SLAIN2: variants seen among roughly 807,000 people sequenced by gnomAD.
SLAIN2 encodes the protein SLAIN family member 2, also known as SLAIN motif-containing protein 2.
A neutral mutation model predicts 56.6 loss-of-function variants in SLAIN2; 31 were observed. That is an observed-to-expected ratio of 0.55 (90% CI 0.41 to 0.74). The LOEUF (loss-of-function observed/expected upper bound fraction) is 0.74, where lower values mean the gene tolerates loss of function less well. SLAIN2 is among the 30% of genes least tolerant of loss of function. The pLI, the probability that SLAIN2 is intolerant of heterozygous loss-of-function variation, is 0.00. For missense variants in SLAIN2, 777 were observed against 754.2 expected, an observed-to-expected ratio of 1.03 and a Z score of -0.35; for synonymous variants, 317 against 284.9, an observed-to-expected ratio of 1.11 and a Z score of -1.13.
intron 1 of SLAIN2, among the ~76,000 whole-genome samples, chr4:48,358,429 C>T (rs1469280505): frequency 1.3e-5 from 2 of 151,056 alleles, no homozygotes; most frequent in Non-Finnish European, 2.9e-5. Flanking sequence ...AAGCAATTCT[C>T]CTGCCTCAGC....
At chr4:48,361,248 G>A (rs1196272758) in intron 1 of SLAIN2, among the ~76,000 whole-genome samples, 1 of 152,180 alleles carries the variant, frequency 6.6e-6, no homozygotes, top group African/African-American at 2.4e-5. Flanking sequence ...GCAGGGGAGG[G>A]TGAGGTAAGC....
chr4:48,422,099 A>G lies in SLAIN2; in HGVS notation c.*22A>G, dbSNP rs766915580. ...CTGACCAGCAAAGACAAGAATGCAGAAGTCCACGGCTTCATGGATACCCTT... is the reference window on the plus strand; with the variant it reads ...CTGACCAGCAAAGACAAGAATGCAGGAGTCCACGGCTTCATGGATACCCTT... On this transcript the variant is annotated 3_prime_UTR_variant, in exon 8 of 8. Coordinates refer to ENST00000264313, the MANE Select transcript of SLAIN2 (RefSeq NM_020846.2). 1.3e-6 allele frequency: 2 copies of G among 1,597,860 alleles called. No individual in the cohort carries two copies. The highest frequency in any genetic ancestry group is 3.4e-5 in the Admixed American group (2 of 58,484).
At chr4:48,382,215 C>T (rs976191292) in intron 4 of SLAIN2, among the ~76,000 whole-genome samples, 3 of 152,162 alleles carry the variant, frequency 2.0e-5, no homozygotes, top group African/African-American at 2.4e-5. Flanking sequence ...GTAATTGTTT[C>T]CCCTCAATAT....
In SLAIN2 at chr4:48,341,618, G is replaced by A; in HGVS notation, c.-122G>A. ...GGGGGGACCCTGGCGGTGGGGCCTG[G>A]TCCTGCTATATGCCGGCGCCTCGGC... On this transcript the variant is annotated 5_prime_UTR_variant, in exon 1 of 8. Coordinates refer to ENST00000264313, the MANE Select transcript of SLAIN2 (RefSeq NM_020846.2). 1 of 1,403,928 alleles carries A rather than the reference G, an allele frequency of 7.1e-7. No individual in the cohort carries two copies. Among genetic ancestry groups the A allele is most frequent in the Non-Finnish European group, 9.3e-7 (1 of 1,071,838 alleles). 87.0% of individuals were successfully genotyped at this position (1,403,928 alleles called of 1,614,324 possible).
chr4:48,349,627 TAA>T (rs1242740921), intron 1 of SLAIN2, among the ~76,000 whole-genome samples: 2 of 152,256 alleles, frequency 1.3e-5, no homozygotes, highest in African/African-American at 4.8e-5. Flanking sequence ...AGTTTTCTGA[TAA>T]GACATGAATT....
chr4:48,386,533 C>T (rs1716106085), intron 6 of SLAIN2, among the ~76,000 whole-genome samples: 1 of 152,142 alleles, frequency 6.6e-6, no homozygotes, highest in Admixed American at 6.5e-5. Context: ...GTTTAAAGCA[C>T]TGTAGAAAAT....
At chr4:48,361,494 G>A (rs894870588) in intron 1 of SLAIN2, among the ~76,000 whole-genome samples, 7 of 152,160 alleles carry the variant, frequency 4.6e-5, no homozygotes, top group Non-Finnish European at 8.8e-5. Context: ...AAGGGCAGAG[G>A]GAAACTGGCA....
intron 6 of SLAIN2, among the ~76,000 whole-genome samples, chr4:48,397,109 G>T (rs1716419517): frequency 6.6e-6 from 1 of 152,138 alleles, no homozygotes. Flanking sequence ...CTGTTGTTGG[G>T]CACTGAGTGA....
intron 1 of SLAIN2, among the ~76,000 whole-genome samples, chr4:48,363,742 G>A (rs1453951481): frequency 3.6e-4 from 36 of 100,760 alleles, no homozygotes; most frequent in African/African-American, 6.6e-4. Flanking sequence ...GGCCAGGCGG[G>A]GGGCTGACCC....
At chr4:48,367,055 C>T (rs544931196) in intron 1 of SLAIN2, among the ~76,000 whole-genome samples, 1 of 152,192 alleles carries the variant, frequency 6.6e-6, no homozygotes, top group African/African-American at 2.4e-5. Context: ...ATTGTTATTA[C>T]AAATAGGTTT....
rs1209451399 is a variant in SLAIN2, at chr4:48,388,541, C to T, written c.1360+4757C>T. Among the ~76,000 whole-genome samples, 4 of 152,240 alleles carry T rather than the reference C, an allele frequency of 2.6e-5. No homozygotes were observed. In the East Asian group the frequency reaches 7.7e-4, roughly 29 times the overall value. ...TAAGTGTATTATTTCATTTAAACAT[C>T]AGAAATCATTTATTTTTATAGAAAG... is the stretch of plus-strand genomic sequence containing the variant. On this transcript the variant is annotated intron_variant, in intron 6 of 7. Coordinates refer to ENST00000264313, the MANE Select transcript of SLAIN2 (RefSeq NM_020846.2).
At chr4:48,420,069 G>T in intron 6 of SLAIN2, 56 bp from the exon 7 acceptor site, 2 of 1,544,112 alleles carry the variant, frequency 1.3e-6, no homozygotes, top group South Asian at 2.4e-5. Flanking sequence ...TTAAAGCAAT[G>T]GTTTCATATA....
At position 48,342,711 on chromosome 4, in the gene SLAIN2, C is replaced by CTTTTTTTTTTT. The variant is rs761272695; in HGVS notation, c.389+597_389+607dup. The stretch of plus-strand genomic sequence containing the variant: ...GAAGAGAGGGCAGAGGATGGTGCTG[C>CTTTTTTTTTTT]TTTTTTTTTTTTTTTTTTTTTTTTG... On this transcript the variant is annotated intron_variant, in intron 1 of 7. Coordinates refer to ENST00000264313, the MANE Select transcript of SLAIN2 (RefSeq NM_020846.2). Among the ~76,000 whole-genome samples, 406 of 65,946 alleles carry CTTTTTTTTTTT rather than the reference C, an allele frequency of 6.2e-3. 15 individuals are homozygous for CTTTTTTTTTTT. The highest frequency in any genetic ancestry group is 0.011 in the East Asian group (20 of 1,744). 43.3% of individuals were successfully genotyped at this position (65,946 alleles called of 152,430 possible).
chr4:48,394,596 T>G (rs777261484), intron 6 of SLAIN2: 8 of 1,535,832 alleles, frequency 5.2e-6, no homozygotes, highest in Non-Finnish European at 7.0e-6. Flanking sequence ...GCTGAAAAAT[T>G]TGCCTCGCAC....
intron 2 of SLAIN2, among the ~76,000 whole-genome samples, chr4:48,375,975 A>G (rs111673880): frequency 3.9e-5 from 6 of 152,160 alleles, no homozygotes; most frequent in African/African-American, 9.6e-5. Flanking sequence ...CTTCCTTTCC[A>G]TTGCCCTTTG....
Position 48,423,344 on chromosome 4 carries a change from TG to T in SLAIN2, c.*1268del. ...TCTCTAATGGCTCTTAATATATCCT[TG>T]AAATCGGCTATTTCAATTTTATCAG... On this transcript the variant is annotated 3_prime_UTR_variant, in exon 8 of 8. Transcript: ENST00000264313. 1 of 152,284 alleles carries T rather than the reference TG, an allele frequency of 6.6e-6. No individual in the cohort carries two copies. The highest frequency in any genetic ancestry group is 1.5e-5 in the Non-Finnish European group (1 of 68,012). The allele number at this position is 152,284 out of a possible 1,614,324, so 9.4% of individuals were successfully genotyped here.
At chr4:48,412,726 ATAAC>A (rs969417271) in intron 6 of SLAIN2, among the ~76,000 whole-genome samples, 2 of 152,182 alleles carry the variant, frequency 1.3e-5, no homozygotes, top group African/African-American at 2.4e-5. Flanking sequence ...AATTTTTCTA[ATAAC>A]TAACAATTTT....
In SLAIN2 at chr4:48,377,999, T is replaced by C; in HGVS notation, c.642T>C (p.Ser214=). The change falls in exon 3 of 8, where the codon TCT becomes TCC. Residue 214 remains serine, a synonymous_variant. Transcript: ENST00000264313. ...GCCCATACAGCAGTGGCTTCAATTC[T>C]CCATCCTCAACCCCAGTGCGACCTC... The part of the protein sequence containing the change: ...ASSPYSSGFN[S]PSSTPVRPPI... 6.2e-7 allele frequency: 1 copy of C among 1,613,952 alleles called. No individual in the cohort carries two copies. Among genetic ancestry groups the C allele is most frequent in the Non-Finnish European group, 8.5e-7 (1 of 1,179,874 alleles).
At chr4:48,383,614 TATG>T (rs1716027052) in intron 5 of SLAIN2, 30 bp from the exon 6 acceptor site, 1 of 1,474,412 alleles carries the variant, frequency 6.8e-7, no homozygotes, top group Non-Finnish European at 9.1e-7. Context: ...TCTGAAAGAA[TATG>T]ATTTTTTTAA....
Sources: allele counts gnomAD v4.1 joint callset (sites outside exome capture counted in the v4.1 genomes callset), GRCh38; gene constraint gnomAD v4.1.1; transcripts MANE v1.5; gene names NCBI Gene and HGNC (gene_info 2026-07-23, HGNC 2026-07-21).